The following DYNC1I2 variants were observed in gnomAD, a reference collection of about 807,000 sequenced individuals.
The protein encoded by DYNC1I2 is dynein cytoplasmic 1 intermediate chain 2.
Under a neutral mutation model 88.6 loss-of-function variants are expected in DYNC1I2, and 53 were observed. That is an observed-to-expected ratio of 0.60 (90% CI 0.48 to 0.75). The LOEUF (loss-of-function observed/expected upper bound fraction) is 0.75, where lower values mean the gene tolerates loss of function less well. DYNC1I2 is among the 30% of genes least tolerant of loss of function. The pLI is 0.00. For synonymous variants in DYNC1I2, 198 were observed against 254.6 expected (o/e 0.78, Z 2.12); for missense variants, 458 against 766.6 (o/e 0.60, Z 4.75).
chr2:171,715,458 T>A lies in DYNC1I2; in HGVS notation c.511+15T>A. On this transcript the variant is annotated intron_variant, in intron 7 of 17. Transcript: ENST00000397119. ...ACCCAAAGAAGGTGAATATCTATCCTTAGTATAATTGTCATTGAGCACCTA... is the reference window on the plus strand; with the variant it reads ...ACCCAAAGAAGGTGAATATCTATCCATAGTATAATTGTCATTGAGCACCTA... 6.8e-7 allele frequency: 1 copy of A among 1,480,680 alleles called. No individual in the cohort carries two copies. The highest frequency in any genetic ancestry group is 9.2e-7 in the Non-Finnish European group (1 of 1,081,240). 91.7% of individuals were successfully genotyped at this position (1,480,680 alleles called of 1,614,324 possible).
At chr2:171,704,409 T>G (rs1458871103) in intron 3 of DYNC1I2, among the ~76,000 whole-genome samples, 1 of 151,834 alleles carries the variant, frequency 6.6e-6, no homozygotes, top group Non-Finnish European at 1.5e-5. Flanking sequence ...TCTAAACTTC[T>G]AAGAAGCTGA....
chr2:171,747,697 T>C (rs1166363635), intron 17 of DYNC1I2, 79 bp from the exon 18 acceptor site: 7 of 1,002,378 alleles, frequency 7.0e-6, no homozygotes, highest in Non-Finnish European at 1.0e-5. Context: ...AGAAAAATTA[T>C]TTGAAAACAA....
intron 5 of DYNC1I2, among the ~76,000 whole-genome samples, chr2:171,711,858 A>G (rs545842605): frequency 3.9e-5 from 6 of 152,196 alleles, no homozygotes; most frequent in East Asian, 1.9e-4. Flanking sequence ...TGGTAATACT[A>G]AATGTATTGT....
intron 1 of DYNC1I2, among the ~76,000 whole-genome samples, chr2:171,688,871 TTTC>T (rs1009660244): frequency 6.6e-6 from 1 of 152,186 alleles, no homozygotes; most frequent in Non-Finnish European, 1.5e-5. Context: ...TTCTCCTAGT[TTTC>T]TTGATCTAAA....
intron 15 of DYNC1I2, among the ~76,000 whole-genome samples, chr2:171,731,599 A>G (rs918752810): frequency 6.6e-6 from 1 of 152,130 alleles, no homozygotes; most frequent in African/African-American, 2.4e-5. Flanking sequence ...CAAAAAATTT[A>G]AAAATTAGCC....
intron 15 of DYNC1I2, 43 bp from the exon 16 acceptor site, chr2:171,744,006 T>A: frequency 6.6e-7 from 1 of 1,508,132 alleles, no homozygotes; most frequent in Non-Finnish European, 8.9e-7. Flanking sequence ...ATGATTTGTA[T>A]GTCATATATG....
chr2:171,725,045 A>G (rs1264848018), intron 7 of DYNC1I2, among the ~76,000 whole-genome samples: 1 of 152,242 alleles, frequency 6.6e-6, no homozygotes, highest in Non-Finnish European at 1.5e-5. Context: ...ATGTGGTCTT[A>G]TAGCTATTAT....
chr2:171,744,644 T>C (rs1689663983), intron 16 of DYNC1I2, among the ~76,000 whole-genome samples: 1 of 152,180 alleles, frequency 6.6e-6, no homozygotes, highest in Admixed American at 6.5e-5. Context: ...ATATTTTGAT[T>C]TTTGATGAGT....
chr2:171,689,882 C>CTTTTT (rs10716223), intron 1 of DYNC1I2, among the ~76,000 whole-genome samples: 99 of 54,140 alleles, frequency 1.8e-3, no homozygotes, highest in Middle Eastern at 0.023. Flanking sequence ...TTTTTCTTGC[C>CTTTTT]TTTTTTTTTT....
At chr2:171,715,233 A>G in intron 6 of DYNC1I2, 95 bp from the exon 7 acceptor site, 1 of 667,188 alleles carries the variant, frequency 1.5e-6, no homozygotes, top group South Asian at 2.7e-5. Flanking sequence ...TTGAAATTAC[A>G]ATGTTGGGTG....
intron 15 of DYNC1I2, among the ~76,000 whole-genome samples, chr2:171,734,591 T>C (rs1316693759): frequency 6.6e-6 from 1 of 152,192 alleles, no homozygotes; most frequent in African/African-American, 2.4e-5. Context: ...GTACAAAGGA[T>C]GGGCCACCAT....
intron 15 of DYNC1I2, among the ~76,000 whole-genome samples, chr2:171,730,761 CAT>C (rs1381022870): frequency 6.6e-6 from 1 of 152,006 alleles, no homozygotes; most frequent in Non-Finnish European, 1.5e-5. Flanking sequence ...AATAATTCAT[CAT>C]GAGACAAAGT....
intron 15 of DYNC1I2, among the ~76,000 whole-genome samples, chr2:171,739,696 CTTTTTTTTTTTTT>C (rs201750115): frequency 7.7e-5 from 5 of 65,090 alleles, no homozygotes; most frequent in Admixed American, 4.1e-4. Context: ...TGACATATCT[CTTTTTTTTTTTTT>C]TTTTTTTTTT....
At chr2:171,693,507 G>A (rs1685540744) in intron 3 of DYNC1I2, among the ~76,000 whole-genome samples, 1 of 152,186 alleles carries the variant, frequency 6.6e-6, no homozygotes, top group Admixed American at 6.5e-5. Context: ...AGGAACAAAT[G>A]CTTACTTAAA....
chr2:171,735,578 C>G lies in DYNC1I2; in HGVS notation c.1536+5725C>G, dbSNP rs370036788. Among the ~76,000 whole-genome samples the G allele has an allele frequency of 3.9e-4, 59 of 152,288 alleles. No homozygotes were observed. The South Asian group carries it at 0.01, about 26-fold the overall frequency. On this transcript the variant is annotated intron_variant, in intron 15 of 17. Coordinates refer to ENST00000397119, the MANE Select transcript of DYNC1I2 (RefSeq NM_001378.3). The stretch of plus-strand genomic sequence containing the variant: ...ATATTCAACCTGTATAGAAGACAAA[C>G]AGATTATTTTCCGTGTATGGAAGTT...
chr2:171,728,918 T>C, intron 14 of DYNC1I2, 68 bp downstream of exon 14: 2 of 1,476,534 alleles, frequency 1.4e-6, no homozygotes, highest in South Asian at 2.7e-5. Flanking sequence ...CAAATTGTCT[T>C]ATTTAAGTAG....
At chr2:171,722,778 T>C (rs1687986676) in intron 7 of DYNC1I2, among the ~76,000 whole-genome samples, 1 of 152,196 alleles carries the variant, frequency 6.6e-6, no homozygotes, top group African/African-American at 2.4e-5. Context: ...TTTACAGTTT[T>C]TAAGAACAGC....
intron 15 of DYNC1I2, among the ~76,000 whole-genome samples, chr2:171,732,080 G>GTGA (rs903479161): frequency 2.6e-5 from 4 of 152,138 alleles, no homozygotes; most frequent in African/African-American, 9.7e-5. Flanking sequence ...TTTCTCAAAT[G>GTGA]TGACCGGGCA....
chr2:171,692,715 A>G (rs975766956), intron 2 of DYNC1I2, 62 bp from the exon 3 acceptor site: 15 of 1,220,278 alleles, frequency 1.2e-5, no homozygotes, highest in Non-Finnish European at 1.7e-5. Flanking sequence ...TATTTAAAAC[A>G]TTTTTGCAAA....
Sources: allele counts gnomAD v4.1 joint callset (sites outside exome capture counted in the v4.1 genomes callset), GRCh38; gene constraint gnomAD v4.1.1; transcripts MANE v1.5; gene names NCBI Gene and HGNC (gene_info 2026-07-23, HGNC 2026-07-21).